SLC22A12: variants seen among roughly 807,000 people sequenced by gnomAD.
The protein encoded by SLC22A12 is organic anion transporter 4-like protein.
Under a neutral mutation model 52.7 loss-of-function variants are expected in SLC22A12, and 56 were observed. The ratio of observed to expected loss-of-function variants is 1.06; its 90% CI spans 0.86 to 1.33. SLC22A12 has a LOEUF of 1.33. Among genes scored for constraint, SLC22A12 ranks in the 40% most tolerant of loss-of-function variants. The probability of loss-of-function intolerance (pLI) is 0.00; values close to 1 mark genes in which losing one functional copy is unlikely to be tolerated. For synonymous variants in SLC22A12, 337 were observed against 324.6 expected, an observed-to-expected ratio of 1.04 and a Z score of -0.41; for missense variants, 683 against 741.5, an observed-to-expected ratio of 0.92 and a Z score of 0.92.
In SLC22A12 at chr11:64,593,765, G is replaced by A. The variant is rs750337613; in HGVS notation, c.792G>A (p.Val264=). The change falls in exon 4 of 10, where the codon GTG becomes GTA. Residue 264 remains valine, a synonymous_variant. Coordinates refer to ENST00000377574, the MANE Select transcript of SLC22A12 (RefSeq NM_144585.4). ...GVRDWTLLQL[V]VSVPFFLCFL... is the part of the protein sequence containing the mutation. ...GGGACTGGACACTGCTGCAGCTGGT[G>A]GTCTCGGTCCCCTTCTTCCTCTGCT... 2.5e-6 allele frequency: 4 copies of A among 1,611,722 alleles called. No individual in the cohort carries two copies. Among genetic ancestry groups the A allele is most frequent in the Non-Finnish European group, 3.4e-6 (4 of 1,180,008 alleles).
chr11:64,601,658 G>T lies in SLC22A12; in HGVS notation c.*107G>T. ...CTCCATTTCCAGAGGCCCAGAGGCT[G>T]CCCTCTGAGGTCCCCACTCTCCCCC... On this transcript the variant is annotated 3_prime_UTR_variant, in exon 10 of 10. Coordinates refer to ENST00000377574, the MANE Select transcript of SLC22A12 (RefSeq NM_144585.4). 8.0e-7 allele frequency: 1 copy of T among 1,251,332 alleles called. No individual in the cohort carries two copies. Among genetic ancestry groups the T allele is most frequent in the Non-Finnish European group, 1.1e-6 (1 of 875,040 alleles). 77.5% of individuals were successfully genotyped at this position (1,251,332 alleles called of 1,614,324 possible).
At chr11:64,599,609 T>TCC in intron 6 of SLC22A12, 67 bp from the exon 7 acceptor site, 1 of 221,474 alleles carries the variant, frequency 4.5e-6, no homozygotes, top group South Asian at 5.1e-5. Flanking sequence ...CGCCCATTGT[T>TCC]CCCACCCTGC....
Position 64,591,906 on chromosome 11 carries a change from T to G in SLC22A12, c.350T>G (p.Val117Gly), listed in dbSNP as rs1197600982. ...SWSEADTEPC[V>G]DGWVYDRSIF... Reference sequence around the variant, plus strand: ...AGCGAGGCCGACACGGAGCCGTGTGTGGATGGCTGGGTCTATGACCGCAGC... The same window carrying G: ...AGCGAGGCCGACACGGAGCCGTGTGGGGATGGCTGGGTCTATGACCGCAGC... Residue 117 changes from valine to glycine, a missense_variant, in exon 1 of 10, where the codon GTG becomes GGG. Physicochemically the swap from Val to Gly is moderately radical, Grantham distance 109. Coordinates refer to ENST00000377574, the MANE Select transcript of SLC22A12 (RefSeq NM_144585.4). 1.2e-6 allele frequency: 2 copies of G among 1,612,684 alleles called. No homozygotes were observed. Among genetic ancestry groups the G allele is most frequent in the Non-Finnish European group, 1.7e-6 (2 of 1,180,028 alleles).
At position 64,602,222 on chromosome 11, in the gene SLC22A12, A is replaced by C. The variant is rs1565143753; in HGVS notation, c.*671A>C. ...TACAGCCACAAGCCTGCCTCCTCCC[A>C]CCCTGCCAGCCTATGAGTTCCCAGA... On this transcript the variant is annotated 3_prime_UTR_variant, in exon 10 of 10. Coordinates refer to ENST00000377574, the MANE Select transcript of SLC22A12 (RefSeq NM_144585.4). 3.0e-5 allele frequency: 5 copies of C among 164,024 alleles called. No individual in the cohort carries two copies. The highest frequency in any genetic ancestry group is 4.0e-5 in the Non-Finnish European group (3 of 75,094). The allele number at this position is 164,024 out of a possible 1,614,324, so 10.2% of individuals were successfully genotyped here.
At chr11:64,598,980 G>A (rs1022597515) in intron 6 of SLC22A12, 57 bp downstream of exon 6, 6 of 1,590,002 alleles carry the variant, frequency 3.8e-6, no homozygotes, top group South Asian at 3.4e-5. Flanking sequence ...CGGGGCTCTC[G>A]CTGGCACACG....
rs372794965 is a variant in SLC22A12, at chr11:64,599,705, T to A, written c.1100T>A (p.Leu367Gln). 1.3e-6 allele frequency: 2 copies of A among 1,563,430 alleles called. No individual in the cohort carries two copies. Among genetic ancestry groups the A allele is most frequent in the Non-Finnish European group, 1.7e-6 (2 of 1,149,496 alleles). ...GCCTTTGGCTTCACCTTCTTCGGCC[T>A]GGCCCTGGACCTGCAGGCCCTGGGC... ...WFAFGFTFFG[L>Q]ALDLQALGSN... The change falls in exon 7 of 10, where the codon CTG (leucine) becomes CAG (glutamine). Residue 367 changes from leucine to glutamine, a missense_variant. By Grantham distance (113) the Leu-to-Gln change is moderately radical. Coordinates refer to ENST00000377574, the MANE Select transcript of SLC22A12 (RefSeq NM_144585.4).
intron 4 of SLC22A12, 108 bp downstream of exon 4, chr11:64,593,911 G>C: frequency 6.8e-7 from 1 of 1,465,774 alleles, no homozygotes; most frequent in South Asian, 1.2e-5. Context: ...CTAGAGGCCA[G>C]GGGTGCATGG....
At chr11:64,599,645 C>G in intron 6 of SLC22A12, 31 bp from the exon 7 acceptor site, 1 of 442,620 alleles carries the variant, frequency 2.3e-6, no homozygotes, top group Non-Finnish European at 4.4e-6. Flanking sequence ...ACCCCCCACC[C>G]CCACCCTGAC....
At chr11:64,598,963 C>G in intron 6 of SLC22A12, 40 bp downstream of exon 6, 1 of 1,607,160 alleles carries the variant, frequency 6.2e-7, no homozygotes, top group South Asian at 1.1e-5. Flanking sequence ...ACAGGGGAAC[C>G]TGGAATCGGG....
rs144325235 is a variant in SLC22A12 at position 64,593,401 on chromosome 11, G to A, written c.507-4G>A. Reference sequence around the variant, plus strand: ...ACCCTGCCTCTTCCTGGTTTGTGCCGCAGGTTTGGGCGCAGGCTGGTGCTA... The same window carrying A: ...ACCCTGCCTCTTCCTGGTTTGTGCCACAGGTTTGGGCGCAGGCTGGTGCTA... On this transcript the variant is annotated splice_polypyrimidine_tract_variant and splice_region_variant and intron_variant, in intron 2 of 9. Transcript: ENST00000377574. The A allele has an allele frequency of 8.1e-6, 13 of 1,614,094 alleles. No homozygotes were observed. Among genetic ancestry groups the A allele is most frequent in the East Asian group, 2.2e-5 (1 of 44,888 alleles).
chr11:64,594,469 T>C (rs1344372246), intron 4 of SLC22A12, among the ~76,000 whole-genome samples: 1 of 148,124 alleles, frequency 6.8e-6, no homozygotes, highest in Non-Finnish European at 1.5e-5. Flanking sequence ...AATTGTTAGG[T>C]AAGTAGAAAT....
In SLC22A12 at chr11:64,593,479, C is replaced by T; in HGVS notation, c.581C>T (p.Pro194Leu). 6.2e-7 allele frequency: 1 copy of T among 1,614,168 alleles called. No individual in the cohort carries two copies. Among genetic ancestry groups the T allele is most frequent in the Non-Finnish European group, 8.5e-7 (1 of 1,180,052 alleles). The stretch of plus-strand genomic sequence containing the variant: ...ATGGGTACGGCAGCTGCCTTCGCCC[C>T]TGCCTTCCCCGTGTACTGCCTGTTC... Reference protein sequence around the residue: ...AVMGTAAAFAPAFPVYCLFRF... With the variant: ...AVMGTAAAFALAFPVYCLFRF... Residue 194 changes from proline to leucine, a missense_variant, in exon 3 of 10, where the codon CCT (proline) becomes CTT (leucine). By Grantham distance (98) the Pro-to-Leu change is moderately conservative. Coordinates refer to ENST00000377574, the MANE Select transcript of SLC22A12 (RefSeq NM_144585.4).
In SLC22A12 at chr11:64,593,506, G is replaced by A. The variant is rs141975942; in HGVS notation, c.608G>A (p.Arg203His). The A allele has an allele frequency of 3.7e-5, 60 of 1,614,044 alleles. No individual in the cohort carries two copies. The highest frequency in any genetic ancestry group is 1.0e-4 in the Admixed American group (6 of 60,014). Residue 203 changes from arginine (R) to histidine (H), a missense_variant, in exon 3 of 10, where the codon CGC becomes CAC. Arg to His is a conservative substitution (Grantham distance 29). Coordinates refer to ENST00000377574, the MANE Select transcript of SLC22A12 (RefSeq NM_144585.4). The stretch of plus-strand genomic sequence containing the variant: ...GCCTTCCCCGTGTACTGCCTGTTCC[G>A]CTTCCTGTTGGCCTTTGCCGTGGCA... Reference protein sequence around the residue: ...APAFPVYCLFRFLLAFAVAGV... With the variant: ...APAFPVYCLFHFLLAFAVAGV...
intron 4 of SLC22A12, among the ~76,000 whole-genome samples, chr11:64,594,559 G>T (rs570626492): frequency 6.6e-6 from 1 of 152,380 alleles, no homozygotes; most frequent in Non-Finnish European, 1.5e-5. Flanking sequence ...TGGGTTGACA[G>T]ATGTGTGGAT....
rs2039388287 is a variant in SLC22A12 at position 64,599,729 on chromosome 11, G to A, written c.1124G>A (p.Gly375Asp). Residue 375 changes from glycine (G) to aspartate (D), a missense_variant, in exon 7 of 10, where the codon GGC becomes GAC. By Grantham distance (94) the Gly-to-Asp change is moderately conservative (BLOSUM62 -1). Coordinates refer to ENST00000377574, the MANE Select transcript of SLC22A12 (RefSeq NM_144585.4). ...FGLALDLQAL[G>D]SNIFLLQMFI... ...CTGGCCCTGGACCTGCAGGCCCTGG[G>A]CAGCAACATCTTCCTGCTCCAAATG... 1.2e-6 allele frequency: 2 copies of A among 1,611,870 alleles called. No homozygotes were observed. Among genetic ancestry groups the A allele is most frequent in the African/African-American group, 1.3e-5 (1 of 74,514 alleles).
chr11:64,601,935 C>T lies in SLC22A12; in HGVS notation c.*384C>T. 2.9e-6 allele frequency: 1 copy of T among 350,088 alleles called. No individual in the cohort carries two copies. The highest frequency in any genetic ancestry group is 5.6e-6 in the Non-Finnish European group (1 of 178,200). The allele number at this position is 350,088 out of a possible 1,614,324, so 21.7% of individuals were successfully genotyped here. A position where few individuals can be genotyped will look rare whatever the true frequency, so the allele number is the denominator to read the frequency against. On this transcript the variant is annotated 3_prime_UTR_variant, in exon 10 of 10. Transcript: ENST00000377574. ...CACCTGCCCAGAGCTCAGAGCTAAC[C>T]ACCATCCATGGTCAAGACCTCTCCT...
intron 4 of SLC22A12, among the ~76,000 whole-genome samples, chr11:64,595,591 G>C (rs111068643): frequency 7.6e-6 from 1 of 132,070 alleles, no homozygotes; most frequent in African/African-American, 2.8e-5. Flanking sequence ...AATGGAAGGA[G>C]GGATGGATGG....
At position 64,599,147 on chromosome 11, in the gene SLC22A12, A is replaced by G. The variant is rs55659641; in HGVS notation, c.1070+224A>G. 0.1 allele frequency among the ~76,000 whole-genome samples: 15,426 copies of G among 152,166 alleles called. 1,184 individuals carry two copies. Among genetic ancestry groups the G allele is most frequent in the East Asian group, 0.3 (1,556 of 5,150 alleles). ...GGCAGATAAAAGAGATGCAGTAGGT[A>G]GGATCCCTAACAAAGCTCCTGGGAG... On this transcript the variant is annotated intron_variant, in intron 6 of 9. Coordinates refer to ENST00000377574, the MANE Select transcript of SLC22A12 (RefSeq NM_144585.4).
rs2039461361 is a variant in SLC22A12 at position 64,601,758 on chromosome 11, A to G, written c.*207A>G. 1.7e-6 allele frequency: 1 copy of G among 576,908 alleles called. No homozygotes were observed. The highest frequency in any genetic ancestry group is 1.9e-5 in the African/African-American group (1 of 53,186). 35.7% of individuals were successfully genotyped at this position (576,908 alleles called of 1,614,324 possible). ...CCCTTCAATACTGAAGGGGAAAAGG[A>G]CAGTTTGATTGGCAGGAGGTGACCC... On this transcript the variant is annotated 3_prime_UTR_variant, in exon 10 of 10. Coordinates refer to ENST00000377574, the MANE Select transcript of SLC22A12 (RefSeq NM_144585.4).
Sources: gnomAD v4.1 joint callset for allele counts (sites outside exome capture counted in the v4.1 genomes callset) on GRCh38, gnomAD v4.1.1 for gene constraint, MANE v1.5 for transcripts, NCBI Gene and HGNC (gene_info 2026-07-23, HGNC 2026-07-21) for gene names.